The following NCR1 variants were observed in gnomAD, a reference collection of about 807,000 sequenced individuals.
The protein encoded by NCR1 is NK cell-activating receptor.
NCR1 carries 30 observed loss-of-function variants against 32.5 expected under a neutral mutation model. The ratio of observed to expected loss-of-function variants is 0.92; its 90% CI spans 0.69 to 1.25. The LOEUF is 1.25. NCR1 is among the 50% of genes most tolerant of loss of function. The pLI is 0.00. For synonymous variants in NCR1, 169 were observed against 143.4 expected (o/e 1.18, Z -1.28); for missense variants, 369 against 380.7 (o/e 0.97, Z 0.26).
At chr19:54,901,751 T>A (rs1453031355), upstream of NCR1, among the ~76,000 whole-genome samples, 1 of 152,200 alleles carries the variant, frequency 6.6e-6, no homozygotes, top group African/African-American at 2.4e-5. Flanking sequence ...GTGGATCAGT[T>A]GAGTTCAGGA....
chr19:54,930,583 T>A, the NCR1 span: 1 of 1,612,254 alleles, frequency 6.2e-7, no homozygotes, highest in Non-Finnish European at 8.5e-7. Context: ...GATACTCAAG[T>A]CCAGGTTTGT....
At chr19:54,903,293 C>T (rs587655190), upstream of NCR1, among the ~76,000 whole-genome samples, 715 of 134,704 alleles carry the variant, frequency 5.3e-3, 20 homozygotes, top group African/African-American at 0.019. Context: ...TACATATATA[C>T]ACATATACGT....
the NCR1 span, among the ~76,000 whole-genome samples, chr19:54,924,115 G>A: frequency 6.6e-6 from 1 of 152,050 alleles, no homozygotes; most frequent in Non-Finnish European, 1.5e-5. Flanking sequence ...TTACAGGTGT[G>A]CACCACCACG....
At chr19:54,913,468 C>T (rs899804616), downstream of NCR1, among the ~76,000 whole-genome samples, 3 of 152,320 alleles carry the variant, frequency 2.0e-5, no homozygotes, top group Middle Eastern at 3.4e-3. Context: ...AAAGATCTCT[C>T]CTTCTTTAAC....
At chr19:54,904,447 GATTTTCA>G (rs2067424359), upstream of NCR1, among the ~76,000 whole-genome samples, 1 of 151,548 alleles carries the variant, frequency 6.6e-6, no homozygotes, top group Non-Finnish European at 1.5e-5. Context: ...CAAATAGGTA[GATTTTCA>G]AGCCTTGCTC....
the NCR1 span, among the ~76,000 whole-genome samples, chr19:54,926,951 G>A: frequency 6.7e-6 from 1 of 149,024 alleles, no homozygotes. Flanking sequence ...TTAGCCAGCT[G>A]TGGTGGTGTG....
chr19:54,920,680 A>G (rs1218131535), downstream of NCR1, among the ~76,000 whole-genome samples: 1 of 152,200 alleles, frequency 6.6e-6, no homozygotes, highest in East Asian at 1.9e-4. Flanking sequence ...TTTTAAAATT[A>G]GCCAAGCATG....
the NCR1 span, among the ~76,000 whole-genome samples, chr19:54,937,078 C>T: frequency 1.3e-5 from 2 of 151,062 alleles, no homozygotes; most frequent in South Asian, 2.1e-4. Context: ...ACTAGCCGGG[C>T]GTGGTGGCGG....
the NCR1 span, among the ~76,000 whole-genome samples, chr19:54,922,456 C>A: frequency 1.9e-4 from 29 of 152,104 alleles, no homozygotes; most frequent in African/African-American, 7.0e-4. Flanking sequence ...CAGAGACTCC[C>A]AGAGACAGCC....
chr19:54,937,381 A>C, the NCR1 span, among the ~76,000 whole-genome samples: 2 of 151,604 alleles, frequency 1.3e-5, no homozygotes, highest in African/African-American at 2.4e-5. Context: ...TGTTTTGGTA[A>C]CAAAACAAAC....
At chr19:54,926,916 TAAA>T in the NCR1 span, among the ~76,000 whole-genome samples, 7 of 26,606 alleles carry the variant, frequency 2.6e-4, no homozygotes, top group Admixed American at 1.5e-3. Flanking sequence ...ACTCTGTCTT[TAAA>T]AAAAAAAAAA....
At chr19:54,923,126 T>C in the NCR1 span, among the ~76,000 whole-genome samples, 1 of 152,206 alleles carries the variant, frequency 6.6e-6, no homozygotes, top group South Asian at 2.1e-4. Context: ...AGAACAGGGC[T>C]GGCTGCCCAT....
At chr19:54,898,308 A>G in the NCR1 span, among the ~76,000 whole-genome samples, 1 of 152,174 alleles carries the variant, frequency 6.6e-6, no homozygotes, top group Non-Finnish European at 1.5e-5. Context: ...GGCTGTGGAC[A>G]TTCCTTGGCC....
At chr19:54,923,938 A>G in the NCR1 span, 1 of 1,549,118 alleles carries the variant, frequency 6.5e-7, no homozygotes, top group African/African-American at 1.4e-5. Flanking sequence ...ATGCCTGAAT[A>G]TCTGTTTTCA....
intron 5 of NCR1, among the ~76,000 whole-genome samples, 167 bp downstream of exon 5, chr19:54,910,232 T>C (rs1395475869): frequency 2.0e-5 from 3 of 151,958 alleles, no homozygotes; most frequent in Admixed American, 6.6e-5. Context: ...GGTCAGGAGT[T>C]TGAGACCAGC....
downstream of NCR1, among the ~76,000 whole-genome samples, chr19:54,919,244 G>A (rs687182): frequency 4.3e-3 from 650 of 151,662 alleles, 1 homozygote; most frequent in South Asian, 0.013. Flanking sequence ...AAGGCAGCTG[G>A]GCCCGGGGGA....
At chr19:54,934,028 C>T in the NCR1 span, among the ~76,000 whole-genome samples, 1 of 152,160 alleles carries the variant, frequency 6.6e-6, no homozygotes. This position sits in a 1 kb window ranked among gnomAD's most constrained non-coding sequence, Gnocchi z 6.7. Flanking sequence ...CTGCCAATCG[C>T]CGCCTCCCAG....
downstream of NCR1, among the ~76,000 whole-genome samples, chr19:54,916,317 C>CTTTTTTTTTTTTTTTTTTTTTTTTT (rs71181711): frequency 7.7e-4 from 67 of 87,100 alleles, 8 homozygotes; most frequent in Non-Finnish European, 1.1e-3. Flanking sequence ...GAATATTGTG[C>CTTTTTTTTTTTTTTTTTTTTTTTTT]TTTTTTTTTT....
chr19:54,921,075 G>T (rs942536452), downstream of NCR1, among the ~76,000 whole-genome samples: 1 of 152,186 alleles, frequency 6.6e-6, no homozygotes, highest in South Asian at 2.1e-4. Flanking sequence ...AATTAAATAT[G>T]CAGCAGAGTC....
Sources: gnomAD v4.1 joint callset for allele counts (sites outside exome capture counted in the v4.1 genomes callset) on GRCh38, gnomAD v4.1.1 for gene constraint, Gnocchi (gnomAD v3.1) non-coding constraint, MANE v1.5 for transcripts, NCBI Gene and HGNC (gene_info 2026-07-23, HGNC 2026-07-21) for gene names.